Variants in CCSER1 observed in about 807,000 individuals in gnomAD.
CCSER1 encodes coiled-coil serine rich protein 1, also known as serine-rich coiled-coil domain-containing protein 1.
Under a neutral mutation model 82.0 loss-of-function variants are expected in CCSER1, and 41 were observed. The ratio of observed to expected loss-of-function variants is 0.50; its 90% CI spans 0.39 to 0.65. CCSER1 has a LOEUF of 0.65. CCSER1 is among the 30% of genes least tolerant of loss of function. The pLI, the probability that CCSER1 is intolerant of heterozygous loss-of-function variation, is 0.00. For synonymous variants in CCSER1, 414 were observed against 383.9 expected, an observed-to-expected ratio of 1.08 and a Z score of -0.92; for missense variants, 1,119 against 1,064.2, an observed-to-expected ratio of 1.05 and a Z score of -0.72.
At chr4:90,859,630 T>G (rs562475694) in intron 8 of CCSER1, among the ~76,000 whole-genome samples, 3 of 151,938 alleles carry the variant, frequency 2.0e-5, no homozygotes, top group South Asian at 4.1e-4. Flanking sequence ...GCTATTTATT[T>G]GCAACAGTTC....
chr4:91,071,847 C>G (rs1721473063), intron 9 of CCSER1, among the ~76,000 whole-genome samples: 1 of 152,154 alleles, frequency 6.6e-6, no homozygotes, highest in Non-Finnish European at 1.5e-5. Context: ...ACCATGATTG[C>G]ATGCTAAATC....
chr4:91,187,562 T>A (rs1361048201), intron 10 of CCSER1, among the ~76,000 whole-genome samples: 1 of 152,176 alleles, frequency 6.6e-6, no homozygotes, highest in African/African-American at 2.4e-5. Context: ...TTTAATTTTT[T>A]ATTTTTGAGA....
At chr4:90,705,760 G>C (rs1341109605) in intron 6 of CCSER1, among the ~76,000 whole-genome samples, 1 of 152,162 alleles carries the variant, frequency 6.6e-6, no homozygotes. Flanking sequence ...CATGGTCGTG[G>C]GACCCTCCGA....
At chr4:91,001,074 G>A (rs1483336767) in intron 9 of CCSER1, among the ~76,000 whole-genome samples, 2 of 152,032 alleles carry the variant, frequency 1.3e-5, no homozygotes, top group Non-Finnish European at 2.9e-5. Flanking sequence ...TTATTTTGAG[G>A]TATGTTCTTT....
intron 7 of CCSER1, chr4:90,781,352 GTAC>G (rs1409541971): frequency 4.7e-5 from 46 of 985,368 alleles, no homozygotes; most frequent in Middle Eastern, 1.0e-3. Flanking sequence ...AACCTCTTTT[GTAC>G]TGTATCTGTG....
At chr4:90,697,746 C>T (rs777162722) in intron 6 of CCSER1, among the ~76,000 whole-genome samples, 1 of 152,014 alleles carries the variant, frequency 6.6e-6, no homozygotes, top group Non-Finnish European at 1.5e-5. Flanking sequence ...GAAAGGAGAA[C>T]AATTGATTTG....
At chr4:91,064,917 A>G (rs911666714) in intron 9 of CCSER1, among the ~76,000 whole-genome samples, 1 of 152,242 alleles carries the variant, frequency 6.6e-6, no homozygotes, top group Admixed American at 6.5e-5. Context: ...TTCTGTTATC[A>G]GTAGAATAAT....
At chr4:90,580,003 G>T (rs1342088000) in intron 5 of CCSER1, among the ~76,000 whole-genome samples, 1 of 151,990 alleles carries the variant, frequency 6.6e-6, no homozygotes, top group Admixed American at 6.6e-5. Context: ...GGAGAAAAAA[G>T]AAAAAGGCCA....
At chr4:90,585,081 C>G (rs1781846003) in intron 5 of CCSER1, among the ~76,000 whole-genome samples, 1 of 152,094 alleles carries the variant, frequency 6.6e-6, no homozygotes. Context: ...TGAGCAGACC[C>G]TTAACCAAAA....
intron 4 of CCSER1, chr4:90,403,791 C>T (rs1291943102): frequency 6.6e-6 from 1 of 151,978 alleles, no homozygotes; most frequent in African/African-American, 2.4e-5. Context: ...ACTATAATGG[C>T]CAAGATTGAC....
At chr4:91,211,711 CAT>C (rs1553912623) in intron 10 of CCSER1, among the ~76,000 whole-genome samples, 1 of 151,952 alleles carries the variant, frequency 6.6e-6, no homozygotes, top group Non-Finnish European at 1.5e-5. Flanking sequence ...TCAATATCCT[CAT>C]ATAAAATGAG....
At chr4:90,440,064 C>T (rs1759639794) in intron 4 of CCSER1, among the ~76,000 whole-genome samples, 2 of 151,812 alleles carry the variant, frequency 1.3e-5, no homozygotes, top group Non-Finnish European at 2.9e-5. Context: ...AGTACAGTGG[C>T]GTGATCATAG....
intron 10 of CCSER1, among the ~76,000 whole-genome samples, chr4:91,378,653 G>C (rs911094174): frequency 1.3e-5 from 2 of 152,194 alleles, no homozygotes; most frequent in African/African-American, 4.8e-5. Context: ...ATTTTGGGCT[G>C]AGATGATGGG....
At chr4:90,918,638 GAT>G (rs776306296) in intron 8 of CCSER1, among the ~76,000 whole-genome samples, 9 of 149,114 alleles carry the variant, frequency 6.0e-5, no homozygotes, top group South Asian at 4.2e-4. Context: ...ATTCAAGAGA[GAT>G]ATATATATAT....
At chr4:90,713,260 T>C (rs774829503) in intron 6 of CCSER1, among the ~76,000 whole-genome samples, 1 of 152,090 alleles carries the variant, frequency 6.6e-6, no homozygotes, top group Non-Finnish European at 1.5e-5. Context: ...TACTTCAGTG[T>C]GTTTTTGTAG....
At chr4:90,466,345 G>GC (rs1763642554) in intron 4 of CCSER1, among the ~76,000 whole-genome samples, 1 of 152,212 alleles carries the variant, frequency 6.6e-6, no homozygotes, top group Non-Finnish European at 1.5e-5. Context: ...TGGGCCATAG[G>GC]CCATGAACCT....
At chr4:90,157,306 A>G (rs1728430893) in intron 1 of CCSER1, among the ~76,000 whole-genome samples, 1 of 151,800 alleles carries the variant, frequency 6.6e-6, no homozygotes, top group Non-Finnish European at 1.5e-5. Context: ...TGCCCTTAAC[A>G]TTTTTTCCTT....
chr4:90,299,771 A>T (rs536809893), intron 1 of CCSER1, among the ~76,000 whole-genome samples: 3 of 152,292 alleles, frequency 2.0e-5, no homozygotes, highest in Admixed American at 1.3e-4. Flanking sequence ...AAGAGCCTGG[A>T]CTGCAAGAAT....
chr4:91,247,839 G>A (rs1739919716), intron 10 of CCSER1, among the ~76,000 whole-genome samples: 1 of 152,124 alleles, frequency 6.6e-6, no homozygotes, highest in South Asian at 2.1e-4. Context: ...CTGTGCTCCA[G>A]CCTAGGCGAC....
Sources: gnomAD v4.1 joint callset for allele counts (sites outside exome capture counted in the v4.1 genomes callset) on GRCh38, gnomAD v4.1.1 for gene constraint, MANE v1.5 for transcripts, NCBI Gene and HGNC (gene_info 2026-07-23, HGNC 2026-07-21) for gene names.